The following SCN2A variants were observed in gnomAD, a reference collection of about 807,000 sequenced individuals.
SCN2A encodes the protein sodium channel protein type 2 subunit alpha.
A neutral mutation model predicts 188.7 loss-of-function variants in SCN2A; 20 were observed. That is an observed-to-expected ratio of 0.11 (90% CI 0.07 to 0.15). SCN2A has a LOEUF of 0.15. SCN2A is among the 10% of genes least tolerant of loss of function. The pLI is 1.00. For missense variants in SCN2A, 1,278 were observed against 2,445.0 expected (o/e 0.52, Z 10.07); for synonymous variants, 804 against 833.1 (o/e 0.97, Z 0.60).
intron 16 of SCN2A, among the ~76,000 whole-genome samples, chr2:165,352,187 G>GT (rs758123415): frequency 1.3e-5 from 2 of 151,848 alleles, no homozygotes; most frequent in Admixed American, 1.3e-4. Context: ...TCCTTTGTCT[G>GT]TTTTTTTAAT....
intron 23 of SCN2A, among the ~76,000 whole-genome samples, chr2:165,378,216 A>G (rs201562721): frequency 7.9e-5 from 1 of 12,718 alleles, no homozygotes; most frequent in Non-Finnish European, 2.0e-4. Flanking sequence ...TCACATTTTG[A>G]AAAAAAAAAA....
rs1160700848 is a variant in SCN2A at position 165,391,778 on chromosome 2, T to G, written c.*1954T>G. The G allele has an allele frequency of 6.6e-6, 1 of 152,556 alleles. No homozygotes were observed. The highest frequency in any genetic ancestry group is 1.5e-5 in the Non-Finnish European group (1 of 68,002). 9.5% of individuals were successfully genotyped at this position (152,556 alleles called of 1,614,324 possible). ...GTTTGTTTACACAGATAGATCTTAT[T>G]GACCCATATGGCACTAGAACTGTAT... On this transcript the variant is annotated 3_prime_UTR_variant, in exon 27 of 27. Transcript: ENST00000375437.
At chr2:165,292,253 TA>T (rs1273267848) in intron 1 of SCN2A, among the ~76,000 whole-genome samples, 1 of 152,236 alleles carries the variant, frequency 6.6e-6, no homozygotes, top group East Asian at 1.9e-4. Context: ...AGTTATCTGC[TA>T]AAGTGACTAA....
At chr2:165,344,107 T>C (rs974193422) in intron 15 of SCN2A, among the ~76,000 whole-genome samples, 2 of 152,284 alleles carry the variant, frequency 1.3e-5, no homozygotes, top group Non-Finnish European at 2.9e-5. Context: ...TGAAATATCT[T>C]AATTCCTTAA....
At chr2:165,247,870 G>A (rs145148381) in intron 1 of SCN2A, among the ~76,000 whole-genome samples, 50 of 152,104 alleles carry the variant, frequency 3.3e-4, no homozygotes, top group East Asian at 1.5e-3. Flanking sequence ...ACTAAATTTC[G>A]GATAGTTCTT....
At chr2:165,329,535 C>A (rs540107962) in intron 13 of SCN2A, among the ~76,000 whole-genome samples, 1 of 152,182 alleles carries the variant, frequency 6.6e-6, no homozygotes, top group South Asian at 2.1e-4. Flanking sequence ...AACAACTTTG[C>A]TCCGGTTATT....
intron 15 of SCN2A, 39 bp from the exon 16 acceptor site, chr2:165,344,516 A>C: frequency 7.7e-7 from 1 of 1,301,886 alleles, no homozygotes; most frequent in Non-Finnish European, 1.0e-6. Context: ...TTTTTTTAGA[A>C]ATGCAGAGCA....
intron 17 of SCN2A, among the ~76,000 whole-genome samples, chr2:165,364,849 G>A (rs1007990010): frequency 1.5e-4 from 23 of 152,052 alleles, no homozygotes; most frequent in African/African-American, 5.3e-4. Context: ...ATATGACTCT[G>A]GCAGCTTACA....
At chr2:165,344,984 G>C in intron 16 of SCN2A, 73 bp downstream of exon 16, 1 of 1,588,270 alleles carries the variant, frequency 6.3e-7, no homozygotes, top group South Asian at 1.1e-5. Flanking sequence ...TTCAACTGAA[G>C]AATATTTTGT....
intron 15 of SCN2A, among the ~76,000 whole-genome samples, chr2:165,344,102 T>C (rs1337412156): frequency 6.6e-6 from 1 of 152,186 alleles, no homozygotes; most frequent in Non-Finnish European, 1.5e-5. Flanking sequence ...TAATCTGAAA[T>C]ATCTTAATTC....
At chr2:165,278,117 A>G (rs1247236948) in intron 1 of SCN2A, among the ~76,000 whole-genome samples, 2 of 152,222 alleles carry the variant, frequency 1.3e-5, no homozygotes, top group African/African-American at 4.8e-5. Context: ...AATTGGTGTC[A>G]TGAACTTCAG....
intron 14 of SCN2A, among the ~76,000 whole-genome samples, chr2:165,336,114 A>C (rs1179125590): frequency 6.6e-6 from 1 of 151,764 alleles, no homozygotes; most frequent in African/African-American, 2.4e-5. Context: ...TTTATCAAGG[A>C]TGTGGAAAAA....
Position 165,390,433 on chromosome 2 carries a change from G to C in SCN2A, c.*609G>C, listed in dbSNP as rs1210800897. 1 of 152,570 alleles carries C rather than the reference G, an allele frequency of 6.6e-6. No homozygotes were observed. 9.5% of individuals were successfully genotyped at this position (152,570 alleles called of 1,614,324 possible). ...AAAAAAATCACATCACAAAAGGGAA[G>C]AGTTTACTTCTTGTTTCAGGATGTT... On this transcript the variant is annotated 3_prime_UTR_variant, in exon 27 of 27. Transcript: ENST00000375437.
At chr2:165,299,713 C>T (rs1433932010) in intron 3 of SCN2A, among the ~76,000 whole-genome samples, 1 of 152,062 alleles carries the variant, frequency 6.6e-6, no homozygotes, top group African/African-American at 2.4e-5. Flanking sequence ...GTTGCAAACC[C>T]TAGACTTAAA....
At chr2:165,341,836 T>C (rs1037529900) in intron 14 of SCN2A, among the ~76,000 whole-genome samples, 1 of 152,216 alleles carries the variant, frequency 6.6e-6, no homozygotes, top group Non-Finnish European at 1.5e-5. Flanking sequence ...TTAAGAGTTC[T>C]TACTATCTGT....
At chr2:165,301,228 A>G (rs1431710791) in intron 3 of SCN2A, among the ~76,000 whole-genome samples, 1 of 152,082 alleles carries the variant, frequency 6.6e-6, no homozygotes, top group Non-Finnish European at 1.5e-5. Context: ...CCTATTAGAC[A>G]TCATTGGAGG....
intron 6 of SCN2A, among the ~76,000 whole-genome samples, chr2:165,309,771 A>G (rs1559352837): frequency 6.6e-6 from 1 of 152,180 alleles, no homozygotes; most frequent in Non-Finnish European, 1.5e-5. Context: ...TTGACAGTTT[A>G]GGCCTAAAAC....
At chr2:165,383,564 T>C (rs1701712762) in intron 25 of SCN2A, among the ~76,000 whole-genome samples, 1 of 152,136 alleles carries the variant, frequency 6.6e-6, no homozygotes, top group Non-Finnish European at 1.5e-5. Flanking sequence ...CAGTCTGGGC[T>C]TTGTGGTGAT....
Position 165,282,554 on chromosome 2 carries a change from G to A in SCN2A, c.-51-13219G>A, listed in dbSNP as rs549783621. On this transcript the variant is annotated intron_variant, in intron 1 of 26. Transcript: ENST00000375437. ...AAGCTATGTTGCATAATCTTTTAATGGCCCCTTTTTCCTGCTACTTAAACA... is the reference window on the plus strand; with the variant it reads ...AAGCTATGTTGCATAATCTTTTAATAGCCCCTTTTTCCTGCTACTTAAACA... 2.0e-4 allele frequency among the ~76,000 whole-genome samples: 30 copies of A among 152,220 alleles called. 1 individual carries two copies. The South Asian group carries it at 6.0e-3, about 31-fold the overall frequency.
Sources: allele counts gnomAD v4.1 joint callset (sites outside exome capture counted in the v4.1 genomes callset), GRCh38; gene constraint gnomAD v4.1.1; transcripts MANE v1.5; gene names NCBI Gene and HGNC (gene_info 2026-07-23, HGNC 2026-07-21).